The following CHD6 variants were observed in gnomAD, a reference collection of about 807,000 sequenced individuals.
The protein encoded by CHD6 is ATP-dependent chromatin remodeler CHD6.
Under a neutral mutation model 276.9 loss-of-function variants are expected in CHD6, and 50 were observed. The ratio of observed to expected loss-of-function variants is 0.18; its 90% CI spans 0.14 to 0.23. The LOEUF (loss-of-function observed/expected upper bound fraction) is 0.23, where lower values mean the gene tolerates loss of function less well. Ranked by LOEUF, CHD6 falls within the 10% of genes least tolerant of loss-of-function variation. The probability of loss-of-function intolerance (pLI) is 1.00; values close to 1 mark genes in which losing one functional copy is unlikely to be tolerated. For synonymous variants in CHD6, 1,173 were observed against 1,229.3 expected, an observed-to-expected ratio of 0.95 and a Z score of 0.96; for missense variants, 2,564 against 3,365.8, an observed-to-expected ratio of 0.76 and a Z score of 5.89.
rs756761668 is a variant in CHD6 at position 41,421,197 on chromosome 20, G to C, written c.5438C>G (p.Pro1813Arg). Residue 1813 changes from proline to arginine, a missense_variant, in exon 31 of 37, where the codon CCT becomes CGT. Pro to Arg is a moderately radical substitution (Grantham distance 103). Coordinates refer to ENST00000373233, the MANE Select transcript of CHD6 (RefSeq NM_032221.5). Reference sequence around the variant, plus strand: ...ACTTTCATTTCCTGGATTCAAGGAAGGGGAAGCTAAACACTTGGCTTCCAG... The same window carrying C: ...ACTTTCATTTCCTGGATTCAAGGAACGGGAAGCTAAACACTTGGCTTCCAG... ...GQLEAKCLAS[P>R]SLNPGNESGF... 13 of 1,613,390 alleles carry C rather than the reference G, an allele frequency of 8.1e-6. No homozygotes were observed. In the Admixed American group the frequency reaches 1.7e-4, roughly 21 times the overall value.
chr20:41,457,212 G>C, intron 18 of CHD6, 52 bp downstream of exon 18: 1 of 1,581,508 alleles, frequency 6.3e-7, no homozygotes, highest in African/African-American at 1.3e-5. Context: ...AGCCTGTCTG[G>C]GCTGTGCGAC....
At chr20:41,574,729 C>T (rs1036210576) in intron 1 of CHD6, among the ~76,000 whole-genome samples, 14 of 152,060 alleles carry the variant, frequency 9.2e-5, no homozygotes, top group Non-Finnish European at 1.6e-4. Context: ...GCTGTTTTAT[C>T]TTGTAAGCCC....
chr20:41,494,981 A>G (rs567505541), intron 8 of CHD6, among the ~76,000 whole-genome samples: 1 of 152,224 alleles, frequency 6.6e-6, no homozygotes, highest in South Asian at 2.1e-4. Context: ...CCTTTACAGC[A>G]GCAATAAGAG....
At position 41,514,848 on chromosome 20, in the gene CHD6, G is replaced by C; in HGVS notation, c.659C>G (p.Ser220Cys). ...AGTGGACTCCTCAGGACTCCGCAGA[G>C]ATGGGTTCGTCAGGCCCTGATCCAG... ...LELDQGLTNP[S>C]LRSPEESTES... Residue 220 changes from serine (S) to cysteine (C), a missense_variant, in exon 4 of 37, where the codon TCT becomes TGT. Physicochemically the swap from Ser to Cys is moderately radical, Grantham distance 112. Around this residue, in one of 7 missense-constraint regions of CHD6, gnomAD observed 286 missense variants for 297.8 expected, o/e 0.96. Coordinates refer to ENST00000373233, the MANE Select transcript of CHD6 (RefSeq NM_032221.5). 6.2e-7 allele frequency: 1 copy of C among 1,614,080 alleles called. No individual in the cohort carries two copies. The highest frequency in any genetic ancestry group is 8.5e-7 in the Non-Finnish European group (1 of 1,179,982).
intron 16 of CHD6, chr20:41,482,699 G>A: frequency 2.8e-6 from 1 of 353,704 alleles, no homozygotes; most frequent in Non-Finnish European, 5.5e-6. Context: ...GGTAACAAAT[G>A]TAGTTTCCAT....
At chr20:41,518,562 T>C in intron 3 of CHD6, among the ~76,000 whole-genome samples, 1 of 152,168 alleles carries the variant, frequency 6.6e-6, no homozygotes, top group East Asian at 1.9e-4. Flanking sequence ...CTTTCTCAAA[T>C]ATTTGTCAGT....
intron 1 of CHD6, among the ~76,000 whole-genome samples, chr20:41,594,575 G>A (rs1473510502): frequency 1.3e-5 from 2 of 152,212 alleles, no homozygotes; most frequent in Non-Finnish European, 2.9e-5. Flanking sequence ...ACCACCCATT[G>A]TGATTATTTG....
chr20:41,458,864 C>A (rs565797766), intron 17 of CHD6, among the ~76,000 whole-genome samples: 2 of 152,196 alleles, frequency 1.3e-5, no homozygotes, highest in South Asian at 4.2e-4. Context: ...TGTGAGTGAG[C>A]CCTGCAGGTA....
chr20:41,479,332 G>A (rs1037339894), intron 16 of CHD6, among the ~76,000 whole-genome samples: 1 of 152,118 alleles, frequency 6.6e-6, no homozygotes, highest in Non-Finnish European at 1.5e-5. Context: ...AATTCAAGAA[G>A]CTCAGTAAGC....
At chr20:41,512,792 C>G in intron 5 of CHD6, 54 bp downstream of exon 5, 1 of 1,601,668 alleles carries the variant, frequency 6.2e-7, no homozygotes, top group South Asian at 1.1e-5. Flanking sequence ...CGTCTGTCAT[C>G]TAGGTCAAAA....
At chr20:41,537,477 T>C (rs1169187959) in intron 2 of CHD6, among the ~76,000 whole-genome samples, 3 of 152,192 alleles carry the variant, frequency 2.0e-5, no homozygotes, top group Non-Finnish European at 4.4e-5. Flanking sequence ...ATAAGGGACT[T>C]GAGCATCCTC....
At chr20:41,608,384 A>C (rs1010401722) in intron 1 of CHD6, among the ~76,000 whole-genome samples, 1 of 152,210 alleles carries the variant, frequency 6.6e-6, no homozygotes, top group Non-Finnish European at 1.5e-5. Context: ...TTACTAATTT[A>C]AGACATGTAA....
chr20:41,514,699 C>T, intron 4 of CHD6, 106 bp downstream of exon 4: 2 of 1,311,328 alleles, frequency 1.5e-6, no homozygotes, highest in Non-Finnish European at 2.1e-6. Flanking sequence ...CAGCCCAGGG[C>T]TAGGGAGTGT....
Position 41,565,031 on chromosome 20 carries a change from G to A in CHD6, c.-23-13671C>T, listed in dbSNP as rs371770164. On this transcript the variant is annotated intron_variant, in intron 1 of 36. Coordinates refer to ENST00000373233, the MANE Select transcript of CHD6 (RefSeq NM_032221.5). The stretch of plus-strand genomic sequence containing the variant: ...GAGTCATACCCAGGTAGAAGTAACA[G>A]TAAACAGCAGGCTAGCAAATAAAAC... Among the ~76,000 whole-genome samples the A allele has an allele frequency of 9.3e-4, 142 of 152,072 alleles. 1 individual carries two copies. The highest frequency in any genetic ancestry group is 2.8e-3 in the African/African-American group (116 of 41,496).
intron 5 of CHD6, among the ~76,000 whole-genome samples, chr20:41,507,778 A>G (rs984203840): frequency 1.3e-5 from 2 of 152,184 alleles, no homozygotes; most frequent in African/African-American, 4.8e-5. Context: ...TATAATCTTA[A>G]TATTTTATCC....
Position 41,451,902 on chromosome 20 carries a change from C to T in CHD6, c.3447G>A (p.Glu1149=), listed in dbSNP as rs2048251646. 6.2e-7 allele frequency: 1 copy of T among 1,614,024 alleles called. No individual in the cohort carries two copies. ...GTTCCCAAATGAAACTCTTGATCTT[C>T]TCGTCCCCCTTATAATGCTTGACAC... is the stretch of plus-strand genomic sequence containing the variant. ...VYCVKHYKGD[E]KIKSFIWELI... is the part of the protein sequence containing the mutation. The change falls in exon 22 of 37, where the codon GAG becomes GAA. Residue 1149 remains glutamate (E), a synonymous_variant. Transcript: ENST00000373233.
chr20:41,560,516 A>G (rs1402515824), intron 1 of CHD6, among the ~76,000 whole-genome samples: 1 of 152,160 alleles, frequency 6.6e-6, no homozygotes, highest in Non-Finnish European at 1.5e-5. Flanking sequence ...CTGTATCACC[A>G]TGTTATTATC....
Position 41,452,724 on chromosome 20 carries a change from C to T in CHD6, c.3323+16G>A, listed in dbSNP as rs369023728. 1.9e-5 allele frequency: 30 copies of T among 1,607,416 alleles called. No homozygotes were observed. Among genetic ancestry groups the T allele is most frequent in the Non-Finnish European group, 2.1e-5 (25 of 1,176,484 alleles). On this transcript the variant is annotated intron_variant, in intron 21 of 36. Coordinates refer to ENST00000373233, the MANE Select transcript of CHD6 (RefSeq NM_032221.5). The surrounding 1 kb of genome is among the most constrained non-coding windows in gnomAD (Gnocchi z 4.2). ...AAACAACAATAACAACAAAACTAAG[C>T]AGAGCCAATACCCACCCAAAGATGA...
rs113472251 is a variant in CHD6, at chr20:41,612,895, T to C, written c.-24+5445A>G. On this transcript the variant is annotated intron_variant, in intron 1 of 36. Coordinates refer to ENST00000373233, the MANE Select transcript of CHD6 (RefSeq NM_032221.5). ...TAAACTGATTTTTCTTCTATTCAAC[T>C]TCTGGTCTGGCCCAACAAAAAAAAT... 3.6e-3 allele frequency among the ~76,000 whole-genome samples: 555 copies of C among 152,304 alleles called. 5 individuals are homozygous for C. Among genetic ancestry groups the C allele is most frequent in the South Asian group, 0.029 (142 of 4,832 alleles).
Sources: gnomAD v4.1 joint callset for allele counts (sites outside exome capture counted in the v4.1 genomes callset) on GRCh38, gnomAD v4.1.1 for gene constraint, gnomAD v4.1.1 regional missense constraint, Gnocchi (gnomAD v3.1) non-coding constraint, MANE v1.5 for transcripts, NCBI Gene and HGNC (gene_info 2026-07-23, HGNC 2026-07-21) for gene names.